VAV2: variants seen among roughly 807,000 people sequenced by gnomAD.
VAV2 encodes the protein vav guanine nucleotide exchange factor 2, also known as guanine nucleotide exchange factor VAV2.
A neutral mutation model predicts 132.5 loss-of-function variants in VAV2; 67 were observed. The ratio of observed to expected loss-of-function variants is 0.51; its 90% CI spans 0.42 to 0.62. The LOEUF (loss-of-function observed/expected upper bound fraction) is 0.62. Among genes scored for constraint, VAV2 ranks in the 20% least tolerant of loss-of-function variants. VAV2 has a pLI of 0.00. For missense variants in VAV2, 938 were observed against 1,153.6 expected, an observed-to-expected ratio of 0.81 and a Z score of 2.71; for synonymous variants, 492 against 443.5, an observed-to-expected ratio of 1.11 and a Z score of -1.37.
At chr9:133,989,553 A>C (rs1376752675) in intron 1 of VAV2, among the ~76,000 whole-genome samples, 1 of 143,478 alleles carries the variant, frequency 7.0e-6, no homozygotes, top group Non-Finnish European at 1.5e-5. Context: ...GGCGTGGTGG[A>C]GCGTGCCGGT....
intron 4 of VAV2, 77 bp from the exon 5 acceptor site, chr9:133,812,293 C>T (rs1835389479): frequency 7.0e-6 from 10 of 1,432,816 alleles, no homozygotes; most frequent in Non-Finnish European, 9.8e-6. Context: ...GCACGAGGGT[C>T]CACGAGGGAC....
Position 133,784,309 on chromosome 9 carries a change from TC to T in VAV2, c.1634+7del, listed in dbSNP as rs748463102. On this transcript the variant is annotated splice_region_variant and intron_variant, in intron 18 of 29. Transcript: ENST00000371850. ...GAGGTGAGGGCTGTAGCAGGGGGTT[TC>T]CCACACCTGAGGAACATTTTGCAGG... 7 of 1,613,644 alleles carry T rather than the reference TC, an allele frequency of 4.3e-6. No individual in the cohort carries two copies. In the Admixed American group the frequency reaches 1.2e-4, roughly 27 times the overall value.
chr9:133,928,461 T>C lies in VAV2; in HGVS notation c.321+10642A>G, dbSNP rs1840559916. On this transcript the variant is annotated intron_variant, in intron 2 of 29. Transcript: ENST00000371850. The surrounding 1 kb of genome is among the most constrained non-coding windows in gnomAD (Gnocchi z 5.4). ...TAATAAGTAATTAGTGTGGAGTGGA[T>C]GCTGCTACAAAGACTAGCACGTCTC... 6.6e-6 allele frequency among the ~76,000 whole-genome samples: 1 copy of C among 152,206 alleles called. No individual in the cohort carries two copies. Among genetic ancestry groups the C allele is most frequent in the Non-Finnish European group, 1.5e-5 (1 of 68,022 alleles).
intron 1 of VAV2, among the ~76,000 whole-genome samples, chr9:133,945,200 G>A (rs550959373): frequency 2.0e-5 from 3 of 152,240 alleles, no homozygotes; most frequent in Admixed American, 6.5e-5. Context: ...AAGCTATCCT[G>A]TCTATGGGTT....
chr9:133,972,134 C>A (rs918941399), intron 1 of VAV2, among the ~76,000 whole-genome samples: 6 of 152,184 alleles, frequency 3.9e-5, no homozygotes, highest in African/African-American at 1.2e-4. Flanking sequence ...AGAATTCATG[C>A]TGCCAAGAAT....
chr9:133,941,607 TTGGGGG>T (rs879515506), intron 1 of VAV2, among the ~76,000 whole-genome samples: 9 of 9,362 alleles, frequency 9.6e-4, no homozygotes, highest in Non-Finnish European at 2.9e-3. Flanking sequence ...CCACTTTTTT[TTGGGGG>T]GGGGGGGGGA....
chr9:133,878,534 G>A (rs1838358225), intron 2 of VAV2, among the ~76,000 whole-genome samples: 2 of 152,260 alleles, frequency 1.3e-5, no homozygotes, highest in Admixed American at 6.5e-5. Flanking sequence ...CGGCTGCCCC[G>A]CTGCAGTCAC....
At chr9:133,795,795 G>T in intron 11 of VAV2, 59 bp from the exon 12 acceptor site, 2 of 1,565,228 alleles carry the variant, frequency 1.3e-6, no homozygotes, top group Non-Finnish European at 8.8e-7. Flanking sequence ...CTCTGCCCTG[G>T]CCCCTACCTG....
At chr9:133,848,696 C>T (rs370680402) in intron 3 of VAV2, among the ~76,000 whole-genome samples, 1 of 152,176 alleles carries the variant, frequency 6.6e-6, no homozygotes, top group Non-Finnish European at 1.5e-5. Context: ...TGGAGCCGGG[C>T]ATCTTTGGGG....
intron 13 of VAV2, among the ~76,000 whole-genome samples, chr9:133,791,111 G>A (rs1834439292): frequency 2.0e-5 from 3 of 152,216 alleles, no homozygotes; most frequent in Admixed American, 2.0e-4. Flanking sequence ...CTGAGGTGGA[G>A]AAGCCCAGGT....
rs560860231 is a variant in VAV2 at position 133,828,475 on chromosome 9, G to A, written c.449+5797C>T. On this transcript the variant is annotated intron_variant, in intron 4 of 29. Transcript: ENST00000371850. Reference sequence around the variant, plus strand: ...CACGGGCATCGCCAGCTACCGCTGCGCCCACTGGGGCTGACCACTGAGCAC... The same window carrying A: ...CACGGGCATCGCCAGCTACCGCTGCACCCACTGGGGCTGACCACTGAGCAC... Among the ~76,000 whole-genome samples the A allele has an allele frequency of 2.8e-5, 4 of 145,438 alleles. 1 individual carries two copies. Among genetic ancestry groups the A allele is most frequent in the African/African-American group, 1.0e-4 (4 of 39,900 alleles).
chr9:133,785,684 CT>C, intron 17 of VAV2, 91 bp downstream of exon 17: 1 of 1,286,000 alleles, frequency 7.8e-7, no homozygotes, highest in Non-Finnish European at 1.1e-6. Flanking sequence ...CGCCCCTGGT[CT>C]GAGAGGAACC....
chr9:133,933,461 GTGGA>G (rs199610145), intron 2 of VAV2, among the ~76,000 whole-genome samples: 2,003 of 132,456 alleles, frequency 0.015, 32 homozygotes, highest in African/African-American at 0.052. Flanking sequence ...GAATGGATGG[GTGGA>G]TGGATGAATG....
At chr9:133,937,619 G>A (rs771948303) in intron 2 of VAV2, among the ~76,000 whole-genome samples, 54 of 152,108 alleles carry the variant, frequency 3.6e-4, no homozygotes, top group Non-Finnish European at 7.8e-4. Context: ...GGGTGCTGCA[G>A]GCAAATTCAT....
At chr9:133,864,199 C>T (rs1046372282) in intron 2 of VAV2, among the ~76,000 whole-genome samples, 4 of 152,122 alleles carry the variant, frequency 2.6e-5, no homozygotes, top group Admixed American at 1.3e-4. Flanking sequence ...CTGCCTCCCT[C>T]CCTCTCCCGC....
chr9:133,842,810 C>A (rs558065414), intron 3 of VAV2, among the ~76,000 whole-genome samples: 109 of 152,288 alleles, frequency 7.2e-4, no homozygotes, highest in Non-Finnish European at 1.3e-3. Flanking sequence ...GGACCCCACG[C>A]CCAGGGCATG....
At chr9:133,814,939 G>T (rs1211970769) in intron 4 of VAV2, among the ~76,000 whole-genome samples, 1 of 152,196 alleles carries the variant, frequency 6.6e-6, no homozygotes, top group East Asian at 1.9e-4. Flanking sequence ...GCCTTGCACT[G>T]CCATTTACTG....
At chr9:133,810,422 T>C (rs114622741) in intron 5 of VAV2, among the ~76,000 whole-genome samples, 6,647 of 152,318 alleles carry the variant, frequency 0.044, 181 homozygotes, top group Middle Eastern at 0.071. Context: ...AAATGGCATC[T>C]GCCATCCTCT....
chr9:133,785,595 G>A (rs549384597), intron 17 of VAV2, among the ~76,000 whole-genome samples, 181 bp downstream of exon 17: 6 of 152,316 alleles, frequency 3.9e-5, no homozygotes, highest in Non-Finnish European at 5.9e-5. Context: ...TTGTTAAAGA[G>A]GATGTCACTG....
Sources: allele counts gnomAD v4.1 joint callset (sites outside exome capture counted in the v4.1 genomes callset), GRCh38; gene constraint gnomAD v4.1.1; non-coding constraint Gnocchi (gnomAD v3.1); transcripts MANE v1.5; gene names NCBI Gene and HGNC (gene_info 2026-07-23, HGNC 2026-07-21).